The following DCAF1 variants were observed in gnomAD, a reference collection of about 807,000 sequenced individuals.
The protein encoded by DCAF1 is DDB1- and CUL4-associated factor 1.
DCAF1 carries 15 observed loss-of-function variants against 128.0 expected under a neutral mutation model. The ratio of observed to expected loss-of-function variants is 0.12; its 90% CI spans 0.08 to 0.18. The LOEUF (loss-of-function observed/expected upper bound fraction) is 0.18, where lower values mean the gene tolerates loss of function less well. DCAF1 is among the 10% of genes least tolerant of loss of function. The pLI, the probability that DCAF1 is intolerant of heterozygous loss-of-function variation, is 1.00. For synonymous variants in DCAF1, 610 were observed against 603.0 expected (o/e 1.01, Z -0.17); for missense variants, 988 against 1,649.5 (o/e 0.60, Z 6.95).
In DCAF1 at chr3:51,499,167, T is replaced by C. The variant is rs191772699; in HGVS notation, c.-56+706A>G. On this transcript the variant is annotated intron_variant, in intron 1 of 24. Transcript: ENST00000684031. ...ACAGAAAACCGTCTAAGAAGTGAAG[T>C]TGTTAAGCAAACGCTTCTGACACCC... 2.0e-5 allele frequency among the ~76,000 whole-genome samples: 3 copies of C among 152,320 alleles called. No individual in the cohort carries two copies. The East Asian group carries it at 5.8e-4, about 29-fold the overall frequency.
At chr3:51,395,951 C>CA, downstream of DCAF1, 1 of 413,444 alleles carries the variant, frequency 2.4e-6, no homozygotes, top group East Asian at 3.6e-5. Context: ...CTAAGCAAGT[C>CA]AGTTGGGTAC....
At chr3:51,429,545 G>A (rs1368990336) in intron 11 of DCAF1, 75 bp from the exon 12 acceptor site, 2 of 735,928 alleles carry the variant, frequency 2.7e-6, no homozygotes, top group African/African-American at 1.8e-5. Context: ...TTAAAAAAGG[G>A]AAAATATTTT....
At chr3:51,484,986 G>A (rs914810791) in intron 2 of DCAF1, among the ~76,000 whole-genome samples, 5 of 151,826 alleles carry the variant, frequency 3.3e-5, no homozygotes, top group African/African-American at 1.2e-4. Flanking sequence ...CACAATCTCG[G>A]CTCACTGCAA....
chr3:51,471,387 G>A (rs1704729577), intron 3 of DCAF1, among the ~76,000 whole-genome samples: 1 of 151,572 alleles, frequency 6.6e-6, no homozygotes, highest in Non-Finnish European at 1.5e-5. Context: ...GTTTCACCAT[G>A]CTAGCCAGGA....
At chr3:51,410,862 G>C (rs1229815274) in intron 23 of DCAF1, among the ~76,000 whole-genome samples, 11 of 152,216 alleles carry the variant, frequency 7.2e-5, no homozygotes, top group African/African-American at 2.7e-4. Flanking sequence ...TGCCCTTAAA[G>C]AGGAGACAAA....
intron 2 of DCAF1, among the ~76,000 whole-genome samples, chr3:51,494,896 T>C (rs1375952646): frequency 5.3e-5 from 8 of 152,110 alleles, no homozygotes; most frequent in Non-Finnish European, 1.0e-4. Context: ...TAGAAACATA[T>C]ACATATATAC....
chr3:51,472,379 G>GT (rs199947806), intron 3 of DCAF1, among the ~76,000 whole-genome samples: 5 of 151,746 alleles, frequency 3.3e-5, no homozygotes, highest in Admixed American at 2.0e-4. Flanking sequence ...TCCAGAATTT[G>GT]TTTTTTTTCT....
chr3:51,473,962 C>T (rs1402189019), intron 3 of DCAF1, among the ~76,000 whole-genome samples: 4 of 151,500 alleles, frequency 2.6e-5, no homozygotes, highest in African/African-American at 9.7e-5. Flanking sequence ...TGCCACCACG[C>T]CCAGCTCATT....
At chr3:51,428,211 T>C (rs1700065455) in intron 12 of DCAF1, among the ~76,000 whole-genome samples, 1 of 152,022 alleles carries the variant, frequency 6.6e-6, no homozygotes, top group Non-Finnish European at 1.5e-5. Flanking sequence ...AGACTGGTTC[T>C]CACTCTGTTG....
intron 2 of DCAF1, among the ~76,000 whole-genome samples, chr3:51,486,942 T>C (rs1707036015): frequency 6.6e-6 from 1 of 150,748 alleles, no homozygotes; most frequent in Non-Finnish European, 1.5e-5. Flanking sequence ...TCGATAAATA[T>C]ATTTTTAAAA....
Position 51,420,429 on chromosome 3 carries a change from C to T in DCAF1, c.2541G>A (p.Glu847=). The change falls in exon 15 of 25, where the codon GAG becomes GAA. Residue 847 remains glutamate, a synonymous_variant. Transcript: ENST00000684031. The surrounding 1 kb of genome is among the most constrained non-coding windows in gnomAD (Gnocchi z 6.5). ...TTCGTATCAACAAAAGCAGCTCTTT[C>T]TCAGGGAAGGAGATCCTTGACTGGG... ...VVAQSRISFP[E]KELLLLIRNH... The T allele has an allele frequency of 6.2e-7, 1 of 1,614,074 alleles. No individual in the cohort carries two copies. Among genetic ancestry groups the T allele is most frequent in the Non-Finnish European group, 8.5e-7 (1 of 1,179,910 alleles).
Position 51,441,547 on chromosome 3 carries a change from T to C in DCAF1, c.864A>G (p.Ser288=). Residue 288 remains serine, a synonymous_variant, in exon 8 of 25, where the codon TCA becomes TCG. Coordinates refer to ENST00000684031, the MANE Select transcript of DCAF1 (RefSeq NM_001387579.1). ...CAAACATGCGATCTGGATCAGAAGATGAGAAACCCAACTTTTGCTTGGCTT... is the reference window on the plus strand; with the variant it reads ...CAAACATGCGATCTGGATCAGAAGACGAGAAACCCAACTTTTGCTTGGCTT... ...FRKAKQKLGF[S]SSDPDRMFVE... 1 of 1,614,028 alleles carries C rather than the reference T, an allele frequency of 6.2e-7. No homozygotes were observed. Among genetic ancestry groups the C allele is most frequent in the African/African-American group, 1.3e-5 (1 of 75,060 alleles).
chr3:51,417,392 C>G (rs974540464), intron 17 of DCAF1, among the ~76,000 whole-genome samples: 125 of 152,154 alleles, frequency 8.2e-4, no homozygotes, highest in African/African-American at 2.9e-3. Flanking sequence ...GCACTCCAAC[C>G]TAAGTGACAG....
At chr3:51,474,454 A>C (rs1187088259) in intron 3 of DCAF1, among the ~76,000 whole-genome samples, 6 of 152,122 alleles carry the variant, frequency 3.9e-5, no homozygotes, top group Non-Finnish European at 7.4e-5. Context: ...AAAGAGTTAA[A>C]CTCTCTGCAA....
intron 6 of DCAF1, among the ~76,000 whole-genome samples, chr3:51,460,734 T>C (rs377201703): frequency 3.9e-5 from 6 of 151,926 alleles, no homozygotes; most frequent in Non-Finnish European, 5.9e-5. Context: ...TGGAACAGAA[T>C]AGAGCCCTCA....
At chr3:51,435,463 A>C (rs1700722781) in intron 9 of DCAF1, among the ~76,000 whole-genome samples, 1 of 152,236 alleles carries the variant, frequency 6.6e-6, no homozygotes, top group Admixed American at 6.5e-5. Context: ...TGAAAGTTGA[A>C]AGGCAAATTT....
At chr3:51,501,295 G>C (rs1708795750), upstream of DCAF1, among the ~76,000 whole-genome samples, 1 of 152,124 alleles carries the variant, frequency 6.6e-6, no homozygotes, top group Non-Finnish European at 1.5e-5. Context: ...CAGAGGGAGT[G>C]AGCGACTTGC....
chr3:51,459,835 C>T (rs1471134351), intron 6 of DCAF1, among the ~76,000 whole-genome samples: 4 of 151,944 alleles, frequency 2.6e-5, no homozygotes, highest in Non-Finnish European at 4.4e-5. Flanking sequence ...GATGCAGAAA[C>T]GGCCTTTGAC....
intron 2 of DCAF1, among the ~76,000 whole-genome samples, chr3:51,485,250 T>G (rs914800425): frequency 1.3e-5 from 2 of 152,134 alleles, no homozygotes; most frequent in Non-Finnish European, 2.9e-5. Context: ...AGAAATGAAA[T>G]GGACACTACT....
Sources: allele counts gnomAD v4.1 joint callset (sites outside exome capture counted in the v4.1 genomes callset), GRCh38; gene constraint gnomAD v4.1.1; non-coding constraint Gnocchi (gnomAD v3.1); transcripts MANE v1.5; gene names NCBI Gene and HGNC (gene_info 2026-07-23, HGNC 2026-07-21).